QTMAN: variants seen among roughly 807,000 people sequenced by gnomAD.
QTMAN encodes tRNA-queuosine alpha-mannosyltransferase.
the QTMAN span, among the ~76,000 whole-genome samples, chr2:144,045,086 C>T: frequency 6.6e-6 from 1 of 152,180 alleles, no homozygotes; most frequent in Non-Finnish European, 1.5e-5. Context: ...GTAACCCATG[C>T]TTACTGCTAA....
chr2:144,095,011 C>G, the QTMAN span, among the ~76,000 whole-genome samples: 1 of 152,164 alleles, frequency 6.6e-6, no homozygotes, highest in Admixed American at 6.5e-5. Context: ...TGATGCTGTG[C>G]ATGTGGCTTT....
the QTMAN span, among the ~76,000 whole-genome samples, chr2:144,068,655 T>C: frequency 6.6e-6 from 1 of 152,224 alleles, no homozygotes; most frequent in Non-Finnish European, 1.5e-5. Context: ...TTTTTTGTAA[T>C]TGTACTGATG....
the QTMAN span, among the ~76,000 whole-genome samples, chr2:144,188,484 C>A: frequency 6.6e-6 from 1 of 151,590 alleles, no homozygotes; most frequent in African/African-American, 2.4e-5. Context: ...AAATTAATGA[C>A]ATTATGCTGA....
At chr2:144,183,634 G>A in the QTMAN span, among the ~76,000 whole-genome samples, 6 of 152,016 alleles carry the variant, frequency 3.9e-5, no homozygotes, top group African/African-American at 1.4e-4. Context: ...AAAATCTATA[G>A]GGCTGAATTT....
At chr2:144,254,225 C>T in the QTMAN span, among the ~76,000 whole-genome samples, 3 of 152,180 alleles carry the variant, frequency 2.0e-5, no homozygotes, top group African/African-American at 7.2e-5. Flanking sequence ...AGTTCAAGAC[C>T]AGCCTGGCCA....
chr2:144,128,681 T>C, the QTMAN span, among the ~76,000 whole-genome samples: 4 of 151,996 alleles, frequency 2.6e-5, no homozygotes. Context: ...TCTACTGTAG[T>C]TTCCCCAGCT....
At chr2:144,253,533 G>A in the QTMAN span, among the ~76,000 whole-genome samples, 4 of 152,186 alleles carry the variant, frequency 2.6e-5, no homozygotes, top group Non-Finnish European at 5.9e-5. Context: ...AGTCCAGGTT[G>A]AGGTGGTCTC....
At chr2:144,224,471 G>C in the QTMAN span, among the ~76,000 whole-genome samples, 3 of 152,130 alleles carry the variant, frequency 2.0e-5, no homozygotes, top group Admixed American at 6.6e-5. Flanking sequence ...TTTCTAATTG[G>C]AGTAAAAAGA....
chr2:144,016,550 T>A, the QTMAN span, among the ~76,000 whole-genome samples: 1 of 152,206 alleles, frequency 6.6e-6, no homozygotes, highest in African/African-American at 2.4e-5. Context: ...ACCTTTGGAA[T>A]TAAATGTCTC....
chr2:144,158,484 G>A, the QTMAN span, among the ~76,000 whole-genome samples: 1 of 151,890 alleles, frequency 6.6e-6, no homozygotes, highest in Non-Finnish European at 1.5e-5. Flanking sequence ...GGATGTGTGT[G>A]TGAGAAAGAA....
At chr2:144,032,675 G>C in the QTMAN span, among the ~76,000 whole-genome samples, 1 of 152,186 alleles carries the variant, frequency 6.6e-6, no homozygotes, top group Non-Finnish European at 1.5e-5. Context: ...ATAAAGTGGT[G>C]GTGGGGGACT....
chr2:144,153,349 T>C, the QTMAN span, among the ~76,000 whole-genome samples: 1 of 152,200 alleles, frequency 6.6e-6, no homozygotes, highest in Non-Finnish European at 1.5e-5. Context: ...AGTACCACTA[T>C]AAATCACTAT....
At chr2:144,068,972 C>T in the QTMAN span, among the ~76,000 whole-genome samples, 1 of 152,092 alleles carries the variant, frequency 6.6e-6, no homozygotes, top group South Asian at 2.1e-4. Context: ...AGCGGTTTAT[C>T]TTTGATACTG....
chr2:144,105,072 A>C, the QTMAN span, among the ~76,000 whole-genome samples: 2 of 152,246 alleles, frequency 1.3e-5, no homozygotes, highest in Middle Eastern at 3.2e-3. Context: ...AAAACTAACA[A>C]ACAGAAAGGA....
At chr2:144,197,140 A>G in the QTMAN span, among the ~76,000 whole-genome samples, 1 of 152,192 alleles carries the variant, frequency 6.6e-6, no homozygotes, top group East Asian at 1.9e-4. Context: ...ACTGTATTTA[A>G]TATCGTAGGC....
chr2:144,298,728 G>A, the QTMAN span, among the ~76,000 whole-genome samples: 1 of 152,156 alleles, frequency 6.6e-6, no homozygotes, highest in Admixed American at 6.5e-5. Flanking sequence ...GAGAGGTCAG[G>A]CATATAAGAC....
the QTMAN span, among the ~76,000 whole-genome samples, chr2:143,947,885 A>G: frequency 6.6e-6 from 1 of 152,104 alleles, no homozygotes; most frequent in South Asian, 2.1e-4. Context: ...AGGAAGGAAG[A>G]GAGGGAAGAA....
chr2:144,161,384 C>T, the QTMAN span, among the ~76,000 whole-genome samples: 2 of 152,162 alleles, frequency 1.3e-5, no homozygotes, highest in South Asian at 4.1e-4. Context: ...GGCCATGCCA[C>T]ATTATTCCAC....
the QTMAN span, among the ~76,000 whole-genome samples, chr2:144,202,710 T>G: frequency 6.6e-6 from 1 of 152,216 alleles, no homozygotes. Flanking sequence ...AGCTTGTCTT[T>G]TAAAACACAG....
Sources: gnomAD v4.1 joint callset for allele counts (sites outside exome capture counted in the v4.1 genomes callset) on GRCh38, gnomAD v4.1.1 for gene constraint, MANE v1.5 for transcripts, NCBI Gene and HGNC (gene_info 2026-07-23, HGNC 2026-07-21) for gene names.